Variants in CFAP43 observed in about 807,000 individuals in gnomAD.
CFAP43 encodes the protein cilia and flagella associated protein 43, also known as cilia- and flagella-associated protein 43.
Under a neutral mutation model 218.9 loss-of-function variants are expected in CFAP43, and 155 were observed. The observed-to-expected ratio is 0.71, with a 90% CI of 0.62 to 0.81. The LOEUF (loss-of-function observed/expected upper bound fraction) is 0.81, where lower values mean the gene tolerates loss of function less well. CFAP43 is among the 30% of genes least tolerant of loss of function. The pLI, the probability that CFAP43 is intolerant of heterozygous loss-of-function variation, is 0.00. For missense variants in CFAP43, 1,778 were observed against 1,954.3 expected (o/e 0.91, Z 1.70); for synonymous variants, 645 against 681.3 (o/e 0.95, Z 0.83).
chr10:104,208,308 C>T (rs2090756856), intron 5 of CFAP43, among the ~76,000 whole-genome samples: 1 of 152,084 alleles, frequency 6.6e-6, no homozygotes, highest in African/African-American at 2.4e-5. Flanking sequence ...AAATCTTAAA[C>T]AAAACAACAA....
chr10:104,131,362 G>C lies in CFAP43; in HGVS notation c.4800C>G (p.Val1600=). 6.2e-7 allele frequency: 1 copy of C among 1,612,900 alleles called. No individual in the cohort carries two copies. The highest frequency in any genetic ancestry group is 1.3e-5 in the African/African-American group (1 of 74,932). The stretch of plus-strand genomic sequence containing the variant: ...CATTACAGATGTCTTTTCTCTCTGA[G>C]ACAGCTACCAACTCTTCTCGTAGAT... ...SCNLREELVA[V]SERKDICNAM... Residue 1600 remains valine (V), a synonymous_variant, in exon 37 of 38, where the codon GTC becomes GTG. Coordinates refer to ENST00000357060, the MANE Select transcript of CFAP43 (RefSeq NM_025145.7).
intron 15 of CFAP43, 118 bp from the exon 16 acceptor site, chr10:104,185,264 T>C: frequency 7.4e-7 from 1 of 1,345,926 alleles, no homozygotes; most frequent in Non-Finnish European, 1.0e-6. Context: ...GCTAACAGCA[T>C]TTTAATTGGT....
chr10:104,165,984 C>T (rs1049441529), intron 23 of CFAP43, among the ~76,000 whole-genome samples: 5 of 152,164 alleles, frequency 3.3e-5, no homozygotes, highest in African/African-American at 1.2e-4. Context: ...TAACCTAGTC[C>T]AAATGGTCGA....
chr10:104,193,841 G>C, intron 11 of CFAP43, 25 bp downstream of exon 11: 3 of 1,607,458 alleles, frequency 1.9e-6, no homozygotes, highest in East Asian at 4.5e-5. Flanking sequence ...ACACGGAGCC[G>C]CTCCTGGAGG....
intron 34 of CFAP43, among the ~76,000 whole-genome samples, chr10:104,135,906 A>G (rs995482316): frequency 6.6e-6 from 1 of 152,156 alleles, no homozygotes; most frequent in Non-Finnish European, 1.5e-5. Context: ...CCAAAACAAT[A>G]TTGAAAACAA....
chr10:104,132,031 G>T, intron 36 of CFAP43, 85 bp downstream of exon 36: 1 of 1,060,002 alleles, frequency 9.4e-7, no homozygotes, highest in Non-Finnish European at 1.3e-6. Context: ...TAGGGTCTAG[G>T]TAAATTCATG....
At position 104,130,046 on chromosome 10, in the gene CFAP43, A is replaced by G. The variant is rs983098671; in HGVS notation, c.*93T>C. On this transcript the variant is annotated 3_prime_UTR_variant, in exon 38 of 38. Coordinates refer to ENST00000357060, the MANE Select transcript of CFAP43 (RefSeq NM_025145.7). ...GCAACTCAGAGGACATGCTACTTCA[A>G]TTTCCCAGTAAGAAAGAAAAGGAAA... 1 of 1,416,842 alleles carries G rather than the reference A, an allele frequency of 7.1e-7. No homozygotes were observed. Among genetic ancestry groups the G allele is most frequent in the Non-Finnish European group, 9.3e-7 (1 of 1,071,276 alleles). The allele number at this position is 1,416,842 out of a possible 1,614,324, so 87.8% of individuals were successfully genotyped here. A position where few individuals can be genotyped will look rare whatever the true frequency, so the allele number is the denominator to read the frequency against.
chr10:104,151,211 G>A (rs947649429), intron 28 of CFAP43, among the ~76,000 whole-genome samples: 2 of 152,190 alleles, frequency 1.3e-5, no homozygotes, highest in African/African-American at 4.8e-5. Context: ...ACATATGCAT[G>A]CATGTGTCTT....
At chr10:104,166,783 G>T (rs994131860) in intron 22 of CFAP43, 65 bp from the exon 23 acceptor site, 3 of 1,362,256 alleles carry the variant, frequency 2.2e-6, no homozygotes, top group Non-Finnish European at 3.0e-6. Context: ...GGGAAATTTT[G>T]TGACAACTTA....
At chr10:104,194,121 G>GC in intron 10 of CFAP43, 107 bp from the exon 11 acceptor site, 1 of 1,374,186 alleles carries the variant, frequency 7.3e-7, no homozygotes, top group Non-Finnish European at 9.9e-7. Context: ...GAGAAAAGTG[G>GC]CAAGTGTTGT....
intron 19 of CFAP43, among the ~76,000 whole-genome samples, chr10:104,172,864 T>C (rs2089467138): frequency 6.6e-6 from 1 of 152,168 alleles, no homozygotes; most frequent in African/African-American, 2.4e-5. Context: ...CATTTAGAGA[T>C]ACATACTGAA....
chr10:104,178,832 G>A (rs1162159126), intron 19 of CFAP43, among the ~76,000 whole-genome samples, 197 bp downstream of exon 19: 7 of 152,230 alleles, frequency 4.6e-5, no homozygotes, highest in African/African-American at 1.7e-4. Context: ...ATGGTAATTT[G>A]GGGGAAGATG....
At chr10:104,210,639 G>A (rs1232072233) in intron 5 of CFAP43, among the ~76,000 whole-genome samples, 1 of 152,134 alleles carries the variant, frequency 6.6e-6, no homozygotes, top group East Asian at 1.9e-4. Context: ...TTCCCTGCCT[G>A]TCTCTTGAAT....
intron 3 of CFAP43, among the ~76,000 whole-genome samples, chr10:104,218,143 T>C (rs1046310111): frequency 3.3e-5 from 5 of 151,924 alleles, no homozygotes; most frequent in African/African-American, 9.7e-5. Context: ...GGTCAGGAGA[T>C]TGAGACCATC....
chr10:104,147,813 A>G (rs2088048233), intron 29 of CFAP43, 78 bp downstream of exon 29: 1 of 967,596 alleles, frequency 1.0e-6, no homozygotes. Flanking sequence ...GGAAGGGTCT[A>G]GACACGTGAG....
At chr10:104,136,453 CT>C (rs2087454941) in intron 34 of CFAP43, among the ~76,000 whole-genome samples, 1 of 151,770 alleles carries the variant, frequency 6.6e-6, no homozygotes, top group African/African-American at 2.4e-5. Context: ...TCACTGCAAC[CT>C]CCGCCTCCCG....
rs546129972 is a variant in CFAP43 at position 104,214,127 on chromosome 10, ATGTG to A, written c.584+128_584+131del. The A allele has an allele frequency of 2.5e-3, 1,749 of 695,766 alleles. 4 individuals are homozygous for A. The highest frequency in any genetic ancestry group is 3.2e-3 in the Non-Finnish European group (1,518 of 468,702). 43.1% of individuals were successfully genotyped at this position (695,766 alleles called of 1,614,324 possible). On this transcript the variant is annotated intron_variant, in intron 4 of 37. Transcript: ENST00000357060. ...TGTTATAACAAGATAAGCTGAACGT[ATGTG>A]TGTGTATGTGTGTGTATGCATATAT...
intron 16 of CFAP43, 126 bp downstream of exon 16, chr10:104,184,890 T>C: frequency 7.0e-7 from 1 of 1,425,098 alleles, no homozygotes. Flanking sequence ...TCTGTGAGTA[T>C]AACAAACTTT....
At chr10:104,187,240 A>G in intron 14 of CFAP43, 80 bp downstream of exon 14, 1 of 1,220,160 alleles carries the variant, frequency 8.2e-7, no homozygotes, top group Admixed American at 3.0e-5. Flanking sequence ...TAAAGTGGTC[A>G]AGAGGATCAC....
Sources: allele counts gnomAD v4.1 joint callset (sites outside exome capture counted in the v4.1 genomes callset), GRCh38; gene constraint gnomAD v4.1.1; transcripts MANE v1.5; gene names NCBI Gene and HGNC (gene_info 2026-07-23, HGNC 2026-07-21).